The following CCDC126 variants were observed in gnomAD, a reference collection of about 807,000 sequenced individuals.
The protein encoded by CCDC126 is coiled-coil domain containing 126, also known as coiled-coil domain-containing protein 126.
Under a neutral mutation model 11.7 loss-of-function variants are expected in CCDC126, and 5 were observed. The ratio of observed to expected loss-of-function variants is 0.43; its 90% CI spans 0.22 to 0.90. The LOEUF is 0.90. CCDC126 is among the 40% of genes least tolerant of loss of function. The probability of loss-of-function intolerance (pLI) is 0.27; values close to 1 mark genes in which losing one functional copy is unlikely to be tolerated. For missense variants in CCDC126, 150 were observed against 163.1 expected (o/e 0.92, Z 0.44); for synonymous variants, 60 against 61.9 (o/e 0.97, Z 0.14).
intron 2 of CCDC126, among the ~76,000 whole-genome samples, chr7:23,605,399 TTGTGTGTGTGTGTG>T (rs3219575): frequency 0.46 from 68,023 of 148,788 alleles, 15,714 homozygotes; most frequent in South Asian, 0.59. Context: ...TGTGATATGC[TTGTGTGTGTGTGTG>T]TGTGTGTGTG....
chr7:23,618,804 C>A (rs1358748001), intron 3 of CCDC126, among the ~76,000 whole-genome samples: 2 of 152,030 alleles, frequency 1.3e-5, no homozygotes, highest in South Asian at 4.2e-4. Context: ...ATCCACCTGC[C>A]TCCACCTCCC....
At chr7:23,635,026 A>G (rs1246710135) in intron 3 of CCDC126, among the ~76,000 whole-genome samples, 2 of 152,224 alleles carry the variant, frequency 1.3e-5, no homozygotes, top group Admixed American at 6.5e-5. Context: ...TTTGTGTGCT[A>G]TGAAATAATC....
chr7:23,622,833 C>A (rs1171486285), intron 3 of CCDC126: 1 of 421,612 alleles, frequency 2.4e-6, no homozygotes, highest in East Asian at 5.9e-5. Flanking sequence ...CTAAATCTTA[C>A]AAGACACAAT....
chr7:23,628,411 C>T (rs148982733), intron 3 of CCDC126, among the ~76,000 whole-genome samples: 1 of 152,290 alleles, frequency 6.6e-6, no homozygotes, highest in East Asian at 1.9e-4. Context: ...CAACAAAAGC[C>T]TGTTCTCTCT....
In CCDC126 at chr7:23,611,438, C is replaced by T; in HGVS notation, c.123C>T (p.Ser41=). 6.2e-7 allele frequency: 1 copy of T among 1,613,738 alleles called. No homozygotes were observed. The highest frequency in any genetic ancestry group is 8.5e-7 in the Non-Finnish European group (1 of 1,179,744). ...HYTFQQPRHQ[S]SVKLREQILD... The stretch of plus-strand genomic sequence containing the variant: ...CTTTTCAACAACCAAGACATCAAAG[C>T]AGTGTCAAGTTACGTGAGCAAATAC... The change falls in exon 3 of 4, where the codon AGC becomes AGT. Residue 41 remains serine (S), a synonymous_variant. Transcript: ENST00000307471.
intron 2 of CCDC126, 30 bp from the exon 3 acceptor site, chr7:23,611,141 C>T (rs189176522): frequency 1.8e-6 from 1 of 565,568 alleles, no homozygotes; most frequent in East Asian, 2.9e-5. Context: ...CAGATTAAGA[C>T]TAATACTGTT....
chr7:23,636,437 A>G (rs7779265), intron 3 of CCDC126, among the ~76,000 whole-genome samples: 71,963 of 143,448 alleles, frequency 0.5, 17,707 homozygotes, highest in South Asian at 0.63. Flanking sequence ...CGCCGCCGCC[A>G]TCCCATCTAG....
intron 3 of CCDC126, among the ~76,000 whole-genome samples, chr7:23,642,582 G>T (rs753731690): frequency 1.3e-5 from 2 of 151,964 alleles, no homozygotes; most frequent in Non-Finnish European, 2.9e-5. Context: ...GGCCAACGTG[G>T]TAAAATCCTG....
At chr7:23,637,739 C>A (rs1290252197) in intron 3 of CCDC126, among the ~76,000 whole-genome samples, 1 of 50,940 alleles carries the variant, frequency 2.0e-5, no homozygotes, top group Middle Eastern at 0.017. Context: ...CCAGCCGCCC[C>A]GTCCGGGAGG....
At chr7:23,611,133 G>A (rs1161918503) in intron 2 of CCDC126, 38 bp from the exon 3 acceptor site, 2 of 543,698 alleles carry the variant, frequency 3.7e-6, no homozygotes, top group East Asian at 6.1e-5. Context: ...TACTGATACA[G>A]ATTAAGACTA....
rs116465653 is a variant in CCDC126 at position 23,616,260 on chromosome 7, A to G, written c.238+4707A>G. Among the ~76,000 whole-genome samples the G allele has an allele frequency of 9.3e-3, 1,421 of 152,106 alleles. 19 individuals carry two copies. The highest frequency in any genetic ancestry group is 0.033 in the African/African-American group (1,364 of 41,540). ...GAAGAAATCTTTCCTGATGCCTTCC[A>G]GTCATCTCTGGCCTGGACTGTTTGC... On this transcript the variant is annotated intron_variant, in intron 3 of 3. Coordinates refer to ENST00000307471, the MANE Select transcript of CCDC126 (RefSeq NM_138771.4).
chr7:23,634,402 C>T (rs1783170900), intron 3 of CCDC126, among the ~76,000 whole-genome samples: 1 of 152,202 alleles, frequency 6.6e-6, no homozygotes, highest in African/African-American at 2.4e-5. Context: ...CTGCAGTGAG[C>T]CATGATTGTG....
At chr7:23,638,815 T>C (rs897445788) in intron 3 of CCDC126, among the ~76,000 whole-genome samples, 25 of 129,572 alleles carry the variant, frequency 1.9e-4, no homozygotes, top group Non-Finnish European at 3.3e-4. Flanking sequence ...TTTGATTTCA[T>C]ATAGGTGATA....
intron 3 of CCDC126, among the ~76,000 whole-genome samples, chr7:23,620,437 C>G (rs911968134): frequency 6.6e-6 from 1 of 152,010 alleles, no homozygotes; most frequent in African/African-American, 2.4e-5. Context: ...TTGTTTTTTT[C>G]TTGTAAATTT....
chr7:23,608,463 T>C (rs1352121188), intron 2 of CCDC126, among the ~76,000 whole-genome samples: 1 of 152,016 alleles, frequency 6.6e-6, no homozygotes, highest in African/African-American at 2.4e-5. Context: ...AACACTATGA[T>C]TTTTTTTGTG....
At chr7:23,610,825 G>A (rs1030665859) in intron 2 of CCDC126, among the ~76,000 whole-genome samples, 12 of 151,482 alleles carry the variant, frequency 7.9e-5, no homozygotes, top group Non-Finnish European at 1.5e-4. Context: ...TAGCTTTTAG[G>A]CATTTAGGTT....
At chr7:23,640,182 C>CAAA (rs1040410523) in intron 3 of CCDC126, among the ~76,000 whole-genome samples, 2 of 144,962 alleles carry the variant, frequency 1.4e-5, no homozygotes, top group Non-Finnish European at 3.0e-5. Context: ...GACTCCGTCT[C>CAAA]AAAAAAAATA....
At position 23,625,303 on chromosome 7, in the gene CCDC126, A is replaced by G. The variant is rs6952712; in HGVS notation, c.238+13750A>G. On this transcript the variant is annotated intron_variant, in intron 3 of 3. Coordinates refer to ENST00000307471, the MANE Select transcript of CCDC126 (RefSeq NM_138771.4). ...TTCATATTTGTGTGAATGTTTAAGA[A>G]TAGATTACCTAATTGTGGAATTTTG... Among the ~76,000 whole-genome samples the G allele has an allele frequency of 1.5e-4, 23 of 152,056 alleles. 1 individual carries two copies. Among genetic ancestry groups the G allele is most frequent in the Non-Finnish European group, 2.5e-4 (17 of 68,032 alleles).
At chr7:23,605,399 T>TTGTGTGTG (rs3219575) in intron 2 of CCDC126, among the ~76,000 whole-genome samples, 2 of 148,824 alleles carry the variant, frequency 1.3e-5, no homozygotes, top group Admixed American at 6.7e-5. Flanking sequence ...TGTGATATGC[T>TTGTGTGTG]TGTGTGTGTG....
Sources: gnomAD v4.1 joint callset for allele counts (sites outside exome capture counted in the v4.1 genomes callset) on GRCh38, gnomAD v4.1.1 for gene constraint, MANE v1.5 for transcripts, NCBI Gene and HGNC (gene_info 2026-07-23, HGNC 2026-07-21) for gene names.